Variants in PDE8B observed in about 807,000 individuals in gnomAD.
PDE8B encodes the protein high affinity cAMP-specific and IBMX-insensitive 3',5'-cyclic phosphodiesterase 8B.
In PDE8B, 26 loss-of-function variants were observed where a neutral mutation model predicts 101.3. The ratio of observed to expected loss-of-function variants is 0.26; its 90% CI spans 0.19 to 0.36. PDE8B has a LOEUF of 0.36. Among genes scored for constraint, PDE8B ranks in the 10% least tolerant of loss-of-function variants. The probability of loss-of-function intolerance (pLI) is 1.00; values close to 1 mark genes in which losing one functional copy is unlikely to be tolerated. For missense variants in PDE8B, 810 were observed against 1,163.1 expected, an observed-to-expected ratio of 0.70 and a Z score of 4.42; for synonymous variants, 424 against 429.3, an observed-to-expected ratio of 0.99 and a Z score of 0.15.
chr5:77,276,085 G>T (rs1286058394), intron 1 of PDE8B, among the ~76,000 whole-genome samples: 2 of 152,216 alleles, frequency 1.3e-5, no homozygotes, highest in Non-Finnish European at 2.9e-5. Flanking sequence ...TATGTCATTT[G>T]TTTGTAGAGT....
At chr5:77,336,965 C>T (rs919612856) in intron 5 of PDE8B, among the ~76,000 whole-genome samples, 1 of 152,154 alleles carries the variant, frequency 6.6e-6, no homozygotes, top group Non-Finnish European at 1.5e-5. Context: ...GCAGGCATTC[C>T]GTGCTCTAGA....
At chr5:77,249,730 A>G (rs1288413851) in intron 1 of PDE8B, among the ~76,000 whole-genome samples, 1 of 152,242 alleles carries the variant, frequency 6.6e-6, no homozygotes. Flanking sequence ...ATCAGCTGTC[A>G]AGGCCATTTG....
chr5:77,254,343 G>C lies in PDE8B; in HGVS notation c.339+43079G>C, dbSNP rs569080044. ...TCAAAAGTAGACAAAAATGATCTCA[G>C]AACTATTTGAATAACTGCTTTCCAA... On this transcript the variant is annotated intron_variant, in intron 1 of 21. Coordinates refer to ENST00000264917, the MANE Select transcript of PDE8B (RefSeq NM_003719.5). Among the ~76,000 whole-genome samples, 6 of 152,118 alleles carry C rather than the reference G, an allele frequency of 3.9e-5. No homozygotes were observed. The East Asian group carries it at 1.2e-3, about 29-fold the overall frequency.
rs1472833984 is a variant in PDE8B at position 77,357,653 on chromosome 5, G to T, written c.1167+4247G>T. 2.0e-5 allele frequency among the ~76,000 whole-genome samples: 3 copies of T among 152,162 alleles called. No individual in the cohort carries two copies. The East Asian group carries it at 5.8e-4, about 29-fold the overall frequency. On this transcript the variant is annotated intron_variant, in intron 10 of 21. Transcript: ENST00000264917. ...CAGGCTGCTCCACCAAGCACCGTTG[G>T]TCGATTTCTTTTTTGCCTCGTAGGA...
intron 1 of PDE8B, among the ~76,000 whole-genome samples, chr5:77,289,002 C>T (rs1434331234): frequency 6.6e-6 from 1 of 152,106 alleles, no homozygotes; most frequent in Non-Finnish European, 1.5e-5. Flanking sequence ...CACCTGTTAC[C>T]TTCTTTTTTC....
rs376745473 is a variant in PDE8B at position 77,216,232 on chromosome 5, C to T, written c.339+4968C>T. Among the ~76,000 whole-genome samples the T allele has an allele frequency of 4.6e-5, 7 of 152,190 alleles. No individual in the cohort carries two copies. In the East Asian group the frequency reaches 1.2e-3, roughly 25 times the overall value. ...CTAGAAAAAGAGGGAGCTGTTACTA[C>T]CCCAGAAGAGTCAAGGGGAGGGGAT... On this transcript the variant is annotated intron_variant, in intron 1 of 21. Transcript: ENST00000264917.
chr5:77,118,354 G>C, the PDE8B span: 1 of 398,658 alleles, frequency 2.5e-6, no homozygotes, highest in Admixed American at 4.4e-5. Flanking sequence ...CATGAGGACA[G>C]GGCAGGCCGA....
At chr5:77,127,166 G>C in the PDE8B span, among the ~76,000 whole-genome samples, 1 of 152,156 alleles carries the variant, frequency 6.6e-6, no homozygotes, top group Admixed American at 6.5e-5. Flanking sequence ...CAGGTGAATG[G>C]TTTGGCTCTG....
At chr5:77,251,031 G>A (rs1757958158) in intron 1 of PDE8B, among the ~76,000 whole-genome samples, 1 of 152,240 alleles carries the variant, frequency 6.6e-6, no homozygotes, top group African/African-American at 2.4e-5. Context: ...TAGGGAGGCT[G>A]TTTAACAATA....
intron 10 of PDE8B, among the ~76,000 whole-genome samples, chr5:77,366,112 T>C (rs763225926): frequency 5.3e-5 from 8 of 152,196 alleles, no homozygotes; most frequent in Non-Finnish European, 7.4e-5. Flanking sequence ...TGCACATTAA[T>C]GTTTTATGGT....
intron 10 of PDE8B, among the ~76,000 whole-genome samples, chr5:77,393,497 T>G (rs1790389545): frequency 6.6e-6 from 1 of 152,050 alleles, no homozygotes; most frequent in South Asian, 2.1e-4. Context: ...TAAATTATAG[T>G]ACCTTGCTAT....
intron 10 of PDE8B, among the ~76,000 whole-genome samples, chr5:77,373,037 AAAAAG>A (rs1785347668): frequency 6.6e-6 from 1 of 152,188 alleles, no homozygotes; most frequent in Admixed American, 6.5e-5. Context: ...CAAAAAAAAA[AAAAAG>A]AATTTGTAGT....
At chr5:77,322,262 C>T (rs1341671012) in intron 2 of PDE8B, among the ~76,000 whole-genome samples, 2 of 152,094 alleles carry the variant, frequency 1.3e-5, no homozygotes, top group African/African-American at 2.4e-5. Flanking sequence ...AGGGCATGCT[C>T]ACAGGAGAAT....
In PDE8B at chr5:77,349,494, C is replaced by G. The variant is rs138419878; in HGVS notation, c.952C>G (p.Pro318Ala). The G allele has an allele frequency of 1.3e-5, 21 of 1,614,000 alleles. No homozygotes were observed. In the African/African-American group the frequency reaches 2.5e-4, roughly 19 times the overall value. Reference sequence around the variant, plus strand: ...CCTGGGAAAAGAACTCGCTGATCTGCCCAAAAGCGATAAGAACCGGGCAGA... The same window carrying G: ...CCTGGGAAAAGAACTCGCTGATCTGGCCAAAAGCGATAAGAACCGGGCAGA... ...ELLGKELADLPKSDKNRADLL... is the reference protein window; with the variant it reads ...ELLGKELADLAKSDKNRADLL... Residue 318 changes from proline to alanine, a missense_variant, in exon 8 of 22, where the codon CCC (proline) becomes GCC (alanine). This residue lies in a region of PDE8B where 251 missense variants were observed against 378.8 expected (regional missense o/e 0.66). Coordinates refer to ENST00000264917, the MANE Select transcript of PDE8B (RefSeq NM_003719.5).
At chr5:77,173,165 A>T in the PDE8B span, among the ~76,000 whole-genome samples, 6 of 152,232 alleles carry the variant, frequency 3.9e-5, no homozygotes, top group Non-Finnish European at 5.9e-5. Context: ...CTGGGTTGGA[A>T]GGAGGAGATG....
chr5:77,286,784 T>A (rs1766106543), intron 1 of PDE8B, among the ~76,000 whole-genome samples: 1 of 152,230 alleles, frequency 6.6e-6, no homozygotes, highest in East Asian at 1.9e-4. Context: ...TATCTTGATT[T>A]CTATCCATTT....
intron 1 of PDE8B, among the ~76,000 whole-genome samples, chr5:77,267,138 C>T (rs1037357982): frequency 2.6e-5 from 4 of 152,002 alleles, no homozygotes; most frequent in Admixed American, 6.6e-5. Context: ...GGTTTAGTAC[C>T]ACTCTTAAAA....
chr5:77,118,072 C>T, the PDE8B span, among the ~76,000 whole-genome samples: 99,847 of 151,728 alleles, frequency 0.66, 33,120 homozygotes, highest in South Asian at 0.82. Flanking sequence ...GTAGCTGGGA[C>T]TACAGGCATG....
At chr5:77,426,180 T>C (rs988497682) in intron 21 of PDE8B, 3 of 589,886 alleles carry the variant, frequency 5.1e-6, no homozygotes, top group Non-Finnish European at 9.0e-6. Context: ...TTTCTGTCGT[T>C]GGAGGAAAAC....
Sources: allele counts gnomAD v4.1 joint callset (sites outside exome capture counted in the v4.1 genomes callset), GRCh38; gene constraint gnomAD v4.1.1; regional missense constraint gnomAD v4.1.1; transcripts MANE v1.5; gene names NCBI Gene and HGNC (gene_info 2026-07-23, HGNC 2026-07-21).